Variants in PCDHA9 observed in about 807,000 individuals in gnomAD.
The protein encoded by PCDHA9 is protocadherin alpha-9.
PCDHA9 carries 62 observed loss-of-function variants against 62.0 expected under a neutral mutation model. The observed-to-expected ratio is 1.00, with a 90% CI of 0.81 to 1.23. The LOEUF (loss-of-function observed/expected upper bound fraction) is 1.23. Among genes scored for constraint, PCDHA9 ranks in the 50% most tolerant of loss-of-function variants. The pLI, the probability that PCDHA9 is intolerant of heterozygous loss-of-function variation, is 0.00. For synonymous variants in PCDHA9, 557 were observed against 567.6 expected (o/e 0.98, Z 0.27); for missense variants, 1,205 against 1,249.8 (o/e 0.96, Z 0.54).
chr5:141,010,265 G>A lies in PCDHA9; in HGVS notation c.*328G>A, dbSNP rs1554262846. ...GTTGGACTCTCTGCCCTGTGCTCCGGGGATCCTGTCTTGATGACACTTGCA... is the reference window on the plus strand; with the variant it reads ...GTTGGACTCTCTGCCCTGTGCTCCGAGGATCCTGTCTTGATGACACTTGCA... On this transcript the variant is annotated 3_prime_UTR_variant, in exon 4 of 4. Coordinates refer to ENST00000532602, the MANE Select transcript of PCDHA9 (RefSeq NM_031857.2). 6.4e-7 allele frequency: 1 copy of A among 1,551,726 alleles called. No homozygotes were observed. The highest frequency in any genetic ancestry group is 8.7e-7 in the Non-Finnish European group (1 of 1,147,006).
chr5:140,870,919 C>T (rs1562653740), intron 1 of PCDHA9: 1 of 1,613,952 alleles, frequency 6.2e-7, no homozygotes, highest in Non-Finnish European at 8.5e-7. Context: ...CAACGCGTGG[C>T]TTTCATATGA....
In PCDHA9 at chr5:140,857,169, C is replaced by T. The variant is rs199584063; in HGVS notation, c.2394+6280C>T. On this transcript the variant is annotated intron_variant, in intron 1 of 3. Coordinates refer to ENST00000532602, the MANE Select transcript of PCDHA9 (RefSeq NM_031857.2). ...ACCGTCATTGCCCTAATCAGCGTTTCTGACCATGATTCAGGAGCCAACGGA... is the reference window on the plus strand; with the variant it reads ...ACCGTCATTGCCCTAATCAGCGTTTTTGACCATGATTCAGGAGCCAACGGA... 2.2e-5 allele frequency: 35 copies of T among 1,598,474 alleles called. 1 individual carries two copies. The East Asian group carries it at 7.4e-4, about 34-fold the overall frequency.
chr5:140,851,482 A>G lies in PCDHA9; in HGVS notation c.2394+593A>G, dbSNP rs920921115. ...AATTATGTCAATAAATGTTATAAAC[A>G]CAGCCTTCATTTCAACTTATATAAA... On this transcript the variant is annotated intron_variant, in intron 1 of 3. Coordinates refer to ENST00000532602, the MANE Select transcript of PCDHA9 (RefSeq NM_031857.2). 35 of 893,414 alleles carry G rather than the reference A, an allele frequency of 3.9e-5. 3 individuals carry two copies. The highest frequency in any genetic ancestry group is 4.2e-5 in the Non-Finnish European group (31 of 732,620). The allele number at this position is 893,414 out of a possible 1,614,324, so 55.3% of individuals were successfully genotyped here. A position where few individuals can be genotyped will look rare whatever the true frequency, so the allele number is the denominator to read the frequency against.
chr5:141,003,343 GCT>G (rs1554259027), intron 3 of PCDHA9, among the ~76,000 whole-genome samples: 1 of 152,198 alleles, frequency 6.6e-6, no homozygotes, highest in Non-Finnish European at 1.5e-5. Context: ...TTGTTTGTTT[GCT>G]CTGTCACCCA....
In PCDHA9 at chr5:140,851,928, G is replaced by A. The variant is rs1294571099; in HGVS notation, c.2394+1039G>A. 4.1e-6 allele frequency: 4 copies of A among 965,790 alleles called. 1 individual carries two copies. In the African/African-American group the frequency reaches 7.1e-5, roughly 17 times the overall value. 59.8% of individuals were successfully genotyped at this position (965,790 alleles called of 1,614,324 possible). On this transcript the variant is annotated intron_variant, in intron 1 of 3. Coordinates refer to ENST00000532602, the MANE Select transcript of PCDHA9 (RefSeq NM_031857.2). Reference sequence around the variant, plus strand: ...AATGTCACTACATGTTATGTTTCCTGAATTGTAGTATGTGACTTTCAAAAT... The same window carrying A: ...AATGTCACTACATGTTATGTTTCCTAAATTGTAGTATGTGACTTTCAAAAT...
intron 1 of PCDHA9, chr5:140,854,159 C>CTAAAA (rs2043003709): frequency 3.1e-6 from 1 of 323,772 alleles, no homozygotes; most frequent in Admixed American, 1.0e-4. Context: ...GATTCTGTCT[C>CTAAAA]AAAAAAAAAA....
intron 1 of PCDHA9, chr5:140,858,585 T>G: frequency 7.4e-7 from 1 of 1,345,266 alleles, no homozygotes. Flanking sequence ...GTAATATAAT[T>G]TATTCCAGGA....
At position 140,864,130 on chromosome 5, in the gene PCDHA9, G is replaced by A. The variant is rs1269875416; in HGVS notation, c.2394+13241G>A. ...TAGTAATAATGAATTAGACTGAGTG[G>A]CTGTTTCCTGTAAATGAGAAAGTTA... On this transcript the variant is annotated intron_variant, in intron 1 of 3. Coordinates refer to ENST00000532602, the MANE Select transcript of PCDHA9 (RefSeq NM_031857.2). 3 of 152,238 alleles carry A rather than the reference G, an allele frequency of 2.0e-5. No individual in the cohort carries two copies. The East Asian group carries it at 5.8e-4, about 29-fold the overall frequency. 9.4% of individuals were successfully genotyped at this position (152,238 alleles called of 1,614,324 possible).
chr5:140,876,092 A>C, intron 1 of PCDHA9: 2 of 1,613,948 alleles, frequency 1.2e-6, no homozygotes, highest in Non-Finnish European at 1.7e-6. Context: ...CAAACGCCAA[A>C]ACTCAATTTA....
At chr5:140,936,987 T>C (rs996790487) in intron 1 of PCDHA9, among the ~76,000 whole-genome samples, 1 of 152,170 alleles carries the variant, frequency 6.6e-6, no homozygotes, top group Non-Finnish European at 1.5e-5. Context: ...CTTGTTAACA[T>C]TGACAATATT....
intron 3 of PCDHA9, among the ~76,000 whole-genome samples, chr5:140,999,024 T>C (rs17119348): frequency 0.023 from 3,497 of 152,332 alleles, 138 homozygotes; most frequent in African/African-American, 0.08. Context: ...CCAAGACTTT[T>C]GATACTTCGT....
At chr5:141,000,238 G>T (rs111531743) in intron 3 of PCDHA9, among the ~76,000 whole-genome samples, 3 of 151,558 alleles carry the variant, frequency 2.0e-5, no homozygotes, top group African/African-American at 7.3e-5. Flanking sequence ...GCTGAATGTG[G>T]TGGCTGACAC....
chr5:140,884,135 C>A (rs1554181269), intron 1 of PCDHA9: 1 of 1,613,422 alleles, frequency 6.2e-7, no homozygotes. Context: ...CATCCCGTTC[C>A]GCGTGGGGCT....
At chr5:140,856,405 C>A in intron 1 of PCDHA9, 1 of 1,598,432 alleles carries the variant, frequency 6.3e-7, no homozygotes, top group Non-Finnish European at 8.6e-7. Flanking sequence ...TCCATGTGGA[C>A]GTGGAAGTGA....
chr5:141,007,935 C>G (rs2098352677), intron 3 of PCDHA9, among the ~76,000 whole-genome samples: 1 of 152,176 alleles, frequency 6.6e-6, no homozygotes, highest in African/African-American at 2.4e-5. Flanking sequence ...GAATTCTAAG[C>G]CACCTTTTTG....
chr5:140,971,284 A>G lies in PCDHA9; in HGVS notation c.2395-7665A>G, dbSNP rs573117700. 1.7e-3 allele frequency among the ~76,000 whole-genome samples: 257 copies of G among 152,334 alleles called. 1 individual carries two copies. The highest frequency in any genetic ancestry group is 3.4e-3 in the Non-Finnish European group (234 of 68,028). ...CTGTCTTACACTGACCTGTATATTAATATGTACTTTGGTACACAAACATTT... is the reference window on the plus strand; with the variant it reads ...CTGTCTTACACTGACCTGTATATTAGTATGTACTTTGGTACACAAACATTT... On this transcript the variant is annotated intron_variant, in intron 1 of 3. Transcript: ENST00000532602.
At chr5:140,870,796 C>T in intron 1 of PCDHA9, 1 of 1,613,694 alleles carries the variant, frequency 6.2e-7, no homozygotes, top group Non-Finnish European at 8.5e-7. Flanking sequence ...GCCGGCACTG[C>T]TGGCGACTCA....
At chr5:140,853,130 C>T in intron 1 of PCDHA9, 1 of 617,250 alleles carries the variant, frequency 1.6e-6, no homozygotes, top group Non-Finnish European at 2.1e-6. Context: ...CCTCCCGCCT[C>T]AGCCTCCCAA....
At chr5:140,983,463 C>T (rs1554245464) in intron 3 of PCDHA9, among the ~76,000 whole-genome samples, 1 of 152,208 alleles carries the variant, frequency 6.6e-6, no homozygotes, top group Non-Finnish European at 1.5e-5. Flanking sequence ...AATAGAACAT[C>T]ATGATGATAA....
Sources: gnomAD v4.1 joint callset for allele counts (sites outside exome capture counted in the v4.1 genomes callset) on GRCh38, gnomAD v4.1.1 for gene constraint, MANE v1.5 for transcripts, NCBI Gene and HGNC (gene_info 2026-07-23, HGNC 2026-07-21) for gene names.